CORIN: variants seen among roughly 807,000 people sequenced by gnomAD.
CORIN encodes atrial natriuretic peptide-converting enzyme.
Under a neutral mutation model 125.3 loss-of-function variants are expected in CORIN, and 117 were observed. The ratio of observed to expected loss-of-function variants is 0.93; its 90% confidence interval spans 0.80 to 1.09. CORIN has a LOEUF of 1.09. Ranked by LOEUF, CORIN falls within the 50% of genes least tolerant of loss-of-function variation. CORIN has a pLI of 0.00. For synonymous variants in CORIN, 450 were observed against 466.4 expected, an observed-to-expected ratio of 0.96 and a Z score of 0.45; for missense variants, 1,253 against 1,306.7, an observed-to-expected ratio of 0.96 and a Z score of 0.63.
At chr4:47,683,901 T>C (rs1703538179) in intron 6 of CORIN, 63 bp from the exon 7 acceptor site, 1 of 1,249,536 alleles carries the variant, frequency 8.0e-7, no homozygotes, top group Admixed American at 2.0e-5. Context: ...TGTAGTACGA[T>C]ATTTAACAAA....
intron 5 of CORIN, among the ~76,000 whole-genome samples, chr4:47,709,573 T>C (rs1490687207): frequency 6.6e-6 from 1 of 152,138 alleles, no homozygotes; most frequent in Non-Finnish European, 1.5e-5. Context: ...ATTACAGGCA[T>C]GAACCACTGC....
At chr4:47,817,327 T>C (rs1217852566) in intron 1 of CORIN, among the ~76,000 whole-genome samples, 1 of 151,188 alleles carries the variant, frequency 6.6e-6, no homozygotes, top group Non-Finnish European at 1.5e-5. Flanking sequence ...AACTAACATA[T>C]ACTACTCTTG....
At position 47,672,554 on chromosome 4, in the gene CORIN, T is replaced by C. The variant is rs1724805219; in HGVS notation, c.1357+1839A>G. On this transcript the variant is annotated intron_variant, in intron 10 of 21. Coordinates refer to ENST00000273857, the MANE Select transcript of CORIN (RefSeq NM_006587.4). ...GAAGTAAGGAAATCGCTCTGAAAAA[T>C]TTCCACGGCAGATTGAGAGACGAGT... 2.6e-5 allele frequency among the ~76,000 whole-genome samples: 4 copies of C among 152,004 alleles called. No homozygotes were observed. In the South Asian group the frequency reaches 8.3e-4, roughly 32 times the overall value.
At chr4:47,740,686 T>C (rs899467691) in intron 5 of CORIN, among the ~76,000 whole-genome samples, 4 of 151,946 alleles carry the variant, frequency 2.6e-5, no homozygotes, top group Non-Finnish European at 5.9e-5. Flanking sequence ...AAAGTAATCC[T>C]TAAAAAGTTA....
At chr4:47,806,783 A>C (rs2109952516) in intron 2 of CORIN, 120 bp downstream of exon 2, 1 of 1,041,366 alleles carries the variant, frequency 9.6e-7, no homozygotes, top group Non-Finnish European at 1.3e-6. Context: ...ACGTCATCAA[A>C]AGATAATCCT....
chr4:47,604,424 G>A (rs1271025786), intron 19 of CORIN, among the ~76,000 whole-genome samples: 4 of 152,136 alleles, frequency 2.6e-5, no homozygotes, highest in Non-Finnish European at 5.9e-5. Flanking sequence ...GACCCCAAAT[G>A]TATATCTCCA....
intron 1 of CORIN, among the ~76,000 whole-genome samples, chr4:47,835,252 T>G (rs1206959695): frequency 6.6e-6 from 1 of 152,210 alleles, no homozygotes; most frequent in African/African-American, 2.4e-5. Context: ...CATTTTCCAT[T>G]TGGTCCAGCA....
At chr4:47,756,879 A>T (rs1729171575) in intron 4 of CORIN, among the ~76,000 whole-genome samples, 1 of 152,228 alleles carries the variant, frequency 6.6e-6, no homozygotes, top group Non-Finnish European at 1.5e-5. Context: ...CATGATGTGT[A>T]CATTTATTAA....
chr4:47,637,727 G>A (rs1440285163), intron 16 of CORIN, among the ~76,000 whole-genome samples: 1 of 152,220 alleles, frequency 6.6e-6, no homozygotes, highest in Non-Finnish European at 1.5e-5. Flanking sequence ...GGATGCCTAG[G>A]CAGAAGTTTG....
intron 5 of CORIN, among the ~76,000 whole-genome samples, chr4:47,712,961 C>A (rs935183597): frequency 1.3e-5 from 2 of 152,004 alleles, no homozygotes; most frequent in East Asian, 3.9e-4. Flanking sequence ...CCCCGAAAGA[C>A]AATAGAAGAA....
At position 47,594,100 on chromosome 4, in the gene CORIN, TTGAG is replaced by T. The variant is rs1721164250; in HGVS notation, c.*1617_*1620del. 3 of 152,074 alleles carry T rather than the reference TTGAG, an allele frequency of 2.0e-5. No individual in the cohort carries two copies. The highest frequency in any genetic ancestry group is 7.2e-5 in the African/African-American group (3 of 41,422). The allele number at this position is 152,074 out of a possible 1,614,324, so 9.4% of individuals were successfully genotyped here. On this transcript the variant is annotated 3_prime_UTR_variant, in exon 22 of 22. Coordinates refer to ENST00000273857, the MANE Select transcript of CORIN (RefSeq NM_006587.4). Reference sequence around the variant, plus strand: ...GTTGAGCAGGCTAAAAGTTGATACATTGAGTATGTAGCTACAACTGTAACAAAAC... The same window carrying T: ...GTTGAGCAGGCTAAAAGTTGATACATTATGTAGCTACAACTGTAACAAAAC...
intron 16 of CORIN, among the ~76,000 whole-genome samples, chr4:47,636,782 C>T (rs1723043699): frequency 1.3e-5 from 2 of 152,090 alleles, no homozygotes; most frequent in African/African-American, 4.8e-5. Flanking sequence ...TTTTTTTCTT[C>T]CCAGACTCAG....
chr4:47,751,956 GC>G (rs1017560085), intron 4 of CORIN, among the ~76,000 whole-genome samples: 1 of 151,398 alleles, frequency 6.6e-6, no homozygotes, highest in Non-Finnish European at 1.5e-5. Context: ...CTTACGTCAG[GC>G]CCCCCCACCC....
intron 1 of CORIN, among the ~76,000 whole-genome samples, chr4:47,822,443 G>T (rs1262071631): frequency 6.6e-6 from 1 of 152,150 alleles, no homozygotes; most frequent in Non-Finnish European, 1.5e-5. Flanking sequence ...TTTTCCATTA[G>T]TCTCAATAAT....
chr4:47,729,571 G>T (rs1452243514), intron 5 of CORIN, among the ~76,000 whole-genome samples: 3 of 152,164 alleles, frequency 2.0e-5, no homozygotes, highest in African/African-American at 7.2e-5. Flanking sequence ...TGTAGAGTGG[G>T]ATGTCTATGT....
chr4:47,791,859 C>T (rs1425035746), intron 2 of CORIN, among the ~76,000 whole-genome samples: 1 of 152,158 alleles, frequency 6.6e-6, no homozygotes, highest in Admixed American at 6.5e-5. Context: ...CTGCTGAGAA[C>T]ACAATATTTA....
At chr4:47,607,494 C>A (rs1386442929) in intron 19 of CORIN, among the ~76,000 whole-genome samples, 1 of 151,898 alleles carries the variant, frequency 6.6e-6, no homozygotes, top group East Asian at 1.9e-4. Flanking sequence ...GTGTTCTTTT[C>A]TTCTTTTTGT....
intron 2 of CORIN, among the ~76,000 whole-genome samples, chr4:47,789,891 G>A (rs1299939950): frequency 4.6e-5 from 7 of 152,022 alleles, no homozygotes; most frequent in South Asian, 2.1e-4. Flanking sequence ...GTGTGGTGGC[G>A]GGCGCCTGTA....
At chr4:47,743,804 G>A (rs1184419445) in intron 5 of CORIN, among the ~76,000 whole-genome samples, 10 of 151,794 alleles carry the variant, frequency 6.6e-5, no homozygotes, top group African/African-American at 1.9e-4. Context: ...AGAATTGCTC[G>A]AACCCGAAAG....
Sources: gnomAD v4.1 joint callset for allele counts (sites outside exome capture counted in the v4.1 genomes callset) on GRCh38, gnomAD v4.1.1 for gene constraint, MANE v1.5 for transcripts, NCBI Gene and HGNC (gene_info 2026-07-23, HGNC 2026-07-21) for gene names.